Variants in BCL9 observed in about 807,000 individuals in gnomAD.
BCL9 encodes BCL9 transcription coactivator, also known as B-cell CLL/lymphoma 9 protein.
In BCL9, 25 loss-of-function variants were observed where a neutral mutation model predicts 88.5. The observed-to-expected ratio is 0.28, with a 90% confidence interval of 0.21 to 0.39. BCL9 has a LOEUF of 0.39. Ranked by LOEUF, BCL9 falls within the 10% of genes least tolerant of loss-of-function variation. The pLI, the probability that BCL9 is intolerant of heterozygous loss-of-function variation, is 1.00. For missense variants in BCL9, 1,817 were observed against 1,877.8 expected, an observed-to-expected ratio of 0.97 and a Z score of 0.60; for synonymous variants, 711 against 673.3, an observed-to-expected ratio of 1.06 and a Z score of -0.87.
chr1:147,572,415 T>C (rs587612212), intron 1 of BCL9, among the ~76,000 whole-genome samples: 1 of 152,290 alleles, frequency 6.6e-6, no homozygotes, highest in South Asian at 2.1e-4. Context: ...GACCAATGTG[T>C]TTCCATTTCA....
intron 1 of BCL9, among the ~76,000 whole-genome samples, chr1:147,556,967 A>T (rs1270589892): frequency 6.6e-6 from 1 of 152,202 alleles, no homozygotes; most frequent in Non-Finnish European, 1.5e-5. Context: ...CTAACTGACC[A>T]TACCAACAAA....
At chr1:147,617,055 T>G (rs1291821667) in intron 7 of BCL9, among the ~76,000 whole-genome samples, 2 of 152,228 alleles carry the variant, frequency 1.3e-5, no homozygotes, top group African/African-American at 4.8e-5. Flanking sequence ...TCTCCATCTT[T>G]GTAGACATAA....
At chr1:147,542,702 T>C (rs1256582392) in intron 1 of BCL9, among the ~76,000 whole-genome samples, 2 of 151,558 alleles carry the variant, frequency 1.3e-5, no homozygotes, top group African/African-American at 4.8e-5. Flanking sequence ...GTTAGATTTA[T>C]TGGCCGATTT....
chr1:147,547,747 C>T (rs763054438), intron 1 of BCL9, among the ~76,000 whole-genome samples: 11 of 151,712 alleles, frequency 7.3e-5, no homozygotes, highest in East Asian at 3.9e-4. Flanking sequence ...ACTTTAAAGA[C>T]GGGAAAAAAG....
chr1:147,583,513 G>C (rs587716432), intron 1 of BCL9, among the ~76,000 whole-genome samples: 3 of 151,698 alleles, frequency 2.0e-5, no homozygotes, highest in Non-Finnish European at 4.4e-5. Context: ...CCTGGCCTCA[G>C]GTGATCTGTC....
chr1:147,562,981 TG>T (rs150235822), intron 1 of BCL9, among the ~76,000 whole-genome samples: 4,403 of 152,318 alleles, frequency 0.029, 113 homozygotes, highest in Non-Finnish European at 0.043. Context: ...TTAGCCACAC[TG>T]GCCTTTTTTC....
chr1:147,552,637 A>T (rs1336141510), intron 1 of BCL9, among the ~76,000 whole-genome samples: 11 of 152,202 alleles, frequency 7.2e-5, no homozygotes, highest in Admixed American at 7.2e-4. Flanking sequence ...AAACGAAAAG[A>T]TTAACAGATA....
chr1:147,595,929 C>T (rs1657026529), intron 1 of BCL9, among the ~76,000 whole-genome samples: 1 of 152,120 alleles, frequency 6.6e-6, no homozygotes, highest in African/African-American at 2.4e-5. Context: ...ATGAGAATGT[C>T]ACAAAACTTG....
rs1553204835 is a variant in BCL9, at chr1:147,619,946, A to G, written c.1791A>G (p.Pro597=). ...LSGVSWPDDV[P]KIPDGRNFPP... ...GAGTCAGTTGGCCAGATGATGTGCC[A>G]AAAATCCCAGATGGTCGAAATTTTC... Residue 597 remains proline, a synonymous_variant, in exon 8 of 10, where the codon CCA becomes CCG. Transcript: ENST00000234739. This position sits in a 1 kb window ranked among gnomAD's most constrained non-coding sequence, Gnocchi z 4.1. 6.2e-7 allele frequency: 1 copy of G among 1,614,192 alleles called. No individual in the cohort carries two copies. The highest frequency in any genetic ancestry group is 1.1e-5 in the South Asian group (1 of 91,078).
intron 6 of BCL9, among the ~76,000 whole-genome samples, 194 bp downstream of exon 6, chr1:147,614,810 G>A (rs1570908173): frequency 6.6e-6 from 1 of 150,992 alleles, no homozygotes. Context: ...GAAATTTTTC[G>A]TGCTTGTACA....
intron 1 of BCL9, among the ~76,000 whole-genome samples, chr1:147,546,231 C>T (rs1477822840): frequency 3.3e-5 from 5 of 151,412 alleles, no homozygotes; most frequent in African/African-American, 7.3e-5. Context: ...CCAGCTACTC[C>T]GGAGGCTGAG....
chr1:147,553,378 G>T lies in BCL9; in HGVS notation c.-478+11704G>T, dbSNP rs140873312. ...TGGCTCAAATGTCACATTCTGCACG[G>T]TCTTTTTCAATTCCTAGAGCCAGAG... On this transcript the variant is annotated intron_variant, in intron 1 of 9. Transcript: ENST00000234739. Among the ~76,000 whole-genome samples, 770 of 152,220 alleles carry T rather than the reference G, an allele frequency of 5.1e-3. 4 individuals are homozygous for T. The highest frequency in any genetic ancestry group is 7.9e-3 in the Non-Finnish European group (538 of 68,002).
At chr1:147,604,242 G>A (rs782023837) in intron 1 of BCL9, among the ~76,000 whole-genome samples, 4 of 152,084 alleles carry the variant, frequency 2.6e-5, no homozygotes, top group Non-Finnish European at 4.4e-5. Flanking sequence ...ACATTTTCCC[G>A]TCCCCCAGGT....
chr1:147,619,968 T>C lies in BCL9; in HGVS notation c.1813T>C (p.Phe605Leu). The change falls in exon 8 of 10, where the codon TTT becomes CTT. Residue 605 changes from phenylalanine (F) to leucine (L), a missense_variant. This residue lies in a region of BCL9 where 1,228 missense variants were observed against 1,191.6 expected (regional missense o/e 1.03). Coordinates refer to ENST00000234739, the MANE Select transcript of BCL9 (RefSeq NM_004326.4). The surrounding 1 kb of genome is among the most constrained non-coding windows in gnomAD (Gnocchi z 4.1). ...DVPKIPDGRN[F>L]PPGQGIFSGP... ...GCCAAAAATCCCAGATGGTCGAAAT[T>C]TTCCTCCTGGCCAGGGCATTTTCAG... is the stretch of plus-strand genomic sequence containing the variant. The C allele has an allele frequency of 6.2e-7, 1 of 1,614,134 alleles. No individual in the cohort carries two copies. Among genetic ancestry groups the C allele is most frequent in the South Asian group, 1.1e-5 (1 of 91,074 alleles).
chr1:147,620,359 A>C lies in BCL9; in HGVS notation c.2204A>C (p.Gln735Pro). 6.2e-7 allele frequency: 1 copy of C among 1,614,234 alleles called. No homozygotes were observed. The change falls in exon 8 of 10, where the codon CAG becomes CCG. Residue 735 changes from glutamine to proline, a missense_variant. This residue lies in a region of BCL9 where 1,228 missense variants were observed against 1,191.6 expected (regional missense o/e 1.03). Coordinates refer to ENST00000234739, the MANE Select transcript of BCL9 (RefSeq NM_004326.4). ...NMGSNSQMIP[Q>P]KMREAGAGPE... ...GGATCCAACTCTCAGATGATACCTC[A>C]GAAGATGAGAGAGGCTGGGGCGGGC...
chr1:147,614,341 A>C lies in BCL9; in HGVS notation c.371-86A>C, dbSNP rs999850997. The C allele has an allele frequency of 8.2e-6, 11 of 1,335,382 alleles. No individual in the cohort carries two copies. The African/African-American group carries it at 1.0e-4, about 13-fold the overall frequency. The allele number at this position is 1,335,382 out of a possible 1,614,324, so 82.7% of individuals were successfully genotyped here. On this transcript the variant is annotated intron_variant, in intron 5 of 9. Transcript: ENST00000234739. ...AGGTGGTACTTCCTTGAAATTCTCA[A>C]GGTGGGTTTGTGTTGTGATGCTATA...
intron 1 of BCL9, among the ~76,000 whole-genome samples, chr1:147,591,144 G>T (rs1656826776): frequency 1.3e-5 from 2 of 151,978 alleles, no homozygotes; most frequent in South Asian, 4.2e-4. Flanking sequence ...TGTAAAATGG[G>T]TATAATTATA....
At chr1:147,585,443 A>T (rs1375395921) in intron 1 of BCL9, among the ~76,000 whole-genome samples, 1 of 152,108 alleles carries the variant, frequency 6.6e-6, no homozygotes, top group Non-Finnish European at 1.5e-5. Context: ...ATGGATGCTG[A>T]TATTAGTCAC....
chr1:147,619,149 C>T lies in BCL9; in HGVS notation c.994C>T (p.Pro332Ser), dbSNP rs782246232. The change falls in exon 8 of 10, where the codon CCG becomes TCG. Residue 332 changes from proline to serine, a missense_variant. Physicochemically the swap from Pro to Ser is moderately conservative, Grantham distance 74. Transcript: ENST00000234739. This position sits in a 1 kb window ranked among gnomAD's most constrained non-coding sequence, Gnocchi z 4.1. ...CTCTTCAGCAGATCCCAAAGCCCCT[C>T]CGCCTCCACCAGTGTCCAGTGGCGA... ...NSSSADPKAP[P>S]PPPVSSGEPP... 7 of 1,613,292 alleles carry T rather than the reference C, an allele frequency of 4.3e-6. No individual in the cohort carries two copies. In the South Asian group the frequency reaches 6.6e-5, roughly 15 times the overall value.
Sources: gnomAD v4.1 joint callset for allele counts (sites outside exome capture counted in the v4.1 genomes callset) on GRCh38, gnomAD v4.1.1 for gene constraint, gnomAD v4.1.1 regional missense constraint, Gnocchi (gnomAD v3.1) non-coding constraint, MANE v1.5 for transcripts, NCBI Gene and HGNC (gene_info 2026-07-23, HGNC 2026-07-21) for gene names.